Variants in ITPR1 observed in about 807,000 individuals in gnomAD.
ITPR1 encodes the protein inositol 1,4,5-trisphosphate receptor type 1.
A neutral mutation model predicts 318.4 loss-of-function variants in ITPR1; 96 were observed. The ratio of observed to expected loss-of-function variants is 0.30; its 90% confidence interval spans 0.26 to 0.36. ITPR1 has a LOEUF of 0.36. ITPR1 is among the 10% of genes least tolerant of loss of function. The pLI is 1.00. For synonymous variants in ITPR1, 1,312 were observed against 1,289.9 expected (o/e 1.02, Z -0.37); for missense variants, 2,440 against 3,460.2 (o/e 0.71, Z 7.40).
chr3:4,669,593 G>A (rs1421954151), intron 18 of ITPR1, 61 bp from the exon 19 acceptor site: 26 of 1,518,944 alleles, frequency 1.7e-5, no homozygotes, highest in Non-Finnish European at 2.3e-5. Context: ...GAAGAATTGG[G>A]GTCCAGGAGC....
At chr3:4,516,676 C>T (rs910380777) in intron 3 of ITPR1, 93 bp downstream of exon 3, 3 of 812,974 alleles carry the variant, frequency 3.7e-6, no homozygotes, top group East Asian at 2.7e-5. Flanking sequence ...AGAACGTCAC[C>T]GTTTTACTTG....
At chr3:4,526,483 G>T (rs1019666434) in intron 4 of ITPR1, among the ~76,000 whole-genome samples, 1 of 152,212 alleles carries the variant, frequency 6.6e-6, no homozygotes, top group Non-Finnish European at 1.5e-5. Context: ...CTGTGTACCA[G>T]CTGCTGGCCT....
intron 4 of ITPR1, among the ~76,000 whole-genome samples, chr3:4,604,790 G>A (rs2091581395): frequency 6.6e-6 from 1 of 152,038 alleles, no homozygotes; most frequent in Non-Finnish European, 1.5e-5. Context: ...TGCAGAGAGA[G>A]GCCTCTAGCA....
chr3:4,667,570 A>C, intron 18 of ITPR1, 21 bp downstream of exon 18: 1 of 1,601,804 alleles, frequency 6.2e-7, no homozygotes, highest in South Asian at 1.1e-5. Context: ...AGTGGGGTCC[A>C]TGCAGGATGG....
At chr3:4,722,729 C>T (rs905775007) in intron 40 of ITPR1, among the ~76,000 whole-genome samples, 1 of 125,542 alleles carries the variant, frequency 8.0e-6, no homozygotes, top group South Asian at 2.2e-4. Context: ...CATGTATGGC[C>T]TGGCCCCTTC....
At chr3:4,543,695 G>A (rs1015386395) in intron 4 of ITPR1, among the ~76,000 whole-genome samples, 7 of 152,056 alleles carry the variant, frequency 4.6e-5, no homozygotes, top group African/African-American at 7.2e-5. Context: ...TGCCCACCTC[G>A]GCCTCCCAAA....
At chr3:4,619,637 CCTGCT>C (rs2092532526) in intron 4 of ITPR1, among the ~76,000 whole-genome samples, 1 of 18,636 alleles carries the variant, frequency 5.4e-5, no homozygotes, top group African/African-American at 4.3e-4. Context: ...TCTGCTCTCC[CCTGCT>C]CTCCTCTGCT....
In ITPR1 at chr3:4,837,003, C is replaced by G. The variant is rs2050971308; in HGVS notation, c.8190+68C>G. The G allele has an allele frequency of 3.7e-6, 5 of 1,339,426 alleles. No individual in the cohort carries two copies. In the South Asian group the frequency reaches 5.7e-5, roughly 15 times the overall value. 83.0% of individuals were successfully genotyped at this position (1,339,426 alleles called of 1,614,324 possible). A position where few individuals can be genotyped will look rare whatever the true frequency, so the allele number is the denominator to read the frequency against. On this transcript the variant is annotated intron_variant, in intron 61 of 61. Transcript: ENST00000649015. Reference sequence around the variant, plus strand: ...CCCACCCACACCCACTATCACCACACCAAATCTGATGAGGAAAATCAGTAG... The same window carrying G: ...CCCACCCACACCCACTATCACCACAGCAAATCTGATGAGGAAAATCAGTAG...
chr3:4,590,440 G>A lies in ITPR1; in HGVS notation c.164-37323G>A, dbSNP rs17040992. Among the ~76,000 whole-genome samples, 1,198 of 151,444 alleles carry A rather than the reference G, an allele frequency of 7.9e-3. 18 individuals are homozygous for A. Among genetic ancestry groups the A allele is most frequent in the African/African-American group, 0.028 (1,146 of 41,382 alleles). On this transcript the variant is annotated intron_variant, in intron 4 of 61. Transcript: ENST00000649015. ...GGTGTTTCTGGCTTTTTATAGCTGA[G>A]TTGGCCCTGGTTGGACAGAAGCAAG...
At chr3:4,574,130 C>T (rs926300873) in intron 4 of ITPR1, among the ~76,000 whole-genome samples, 5 of 151,978 alleles carry the variant, frequency 3.3e-5, no homozygotes, top group African/African-American at 9.7e-5. Flanking sequence ...GCCAATTTCT[C>T]CAGCTAGAAA....
At chr3:4,552,460 G>A (rs2085663936) in intron 4 of ITPR1, among the ~76,000 whole-genome samples, 1 of 152,128 alleles carries the variant, frequency 6.6e-6, no homozygotes, top group Non-Finnish European at 1.5e-5. Flanking sequence ...TATTATAAAG[G>A]ATATTACAAA....
chr3:4,550,210 C>G (rs141582957), intron 4 of ITPR1, among the ~76,000 whole-genome samples: 1 of 152,302 alleles, frequency 6.6e-6, no homozygotes, highest in East Asian at 1.9e-4. Flanking sequence ...CCAGATCTCT[C>G]TGAGCAGGGC....
Position 4,676,798 on chromosome 3 carries a change from C to A in ITPR1, c.2964C>A (p.Leu988=). Residue 988 remains leucine, a synonymous_variant, in exon 24 of 62, where the codon CTC becomes CTA. Transcript: ENST00000649015. ...MDTKLKIIEI[L]QFILNVRLDY... ...CCAAGCTGAAGATCATTGAGATACT[C>A]CAGGTATCCACTAGCTGGAGCTGGG... 6.2e-7 allele frequency: 1 copy of A among 1,611,078 alleles called. No individual in the cohort carries two copies. The highest frequency in any genetic ancestry group is 1.1e-5 in the South Asian group (1 of 90,656).
chr3:4,658,325 G>C, intron 13 of ITPR1, 47 bp downstream of exon 13: 1 of 1,517,820 alleles, frequency 6.6e-7, no homozygotes, highest in East Asian at 2.3e-5. Flanking sequence ...GCCTGGTGTA[G>C]GTGGCCTGAC....
chr3:4,700,011 G>T lies in ITPR1; in HGVS notation c.4536+70G>T, dbSNP rs151116305. 146 of 1,428,292 alleles carry T rather than the reference G, an allele frequency of 1.0e-4. No individual in the cohort carries two copies. The African/African-American group carries it at 1.7e-3, about 17-fold the overall frequency. The allele number at this position is 1,428,292 out of a possible 1,614,324, so 88.5% of individuals were successfully genotyped here. A position where few individuals can be genotyped will look rare whatever the true frequency, so the allele number is the denominator to read the frequency against. ...CTGCAGTTGGGCTTGATGTGAATTT[G>T]GGAGTAAGCAATTGTAAATGAACTG... On this transcript the variant is annotated intron_variant, in intron 35 of 61. Transcript: ENST00000649015.
At chr3:4,805,663 A>T (rs1439188624) in intron 54 of ITPR1, among the ~76,000 whole-genome samples, 1 of 152,238 alleles carries the variant, frequency 6.6e-6, no homozygotes, top group African/African-American at 2.4e-5. Flanking sequence ...TGCTCATTAA[A>T]TTGCCACCTT....
chr3:4,573,546 A>G (rs1481174477), intron 4 of ITPR1, among the ~76,000 whole-genome samples: 1 of 152,204 alleles, frequency 6.6e-6, no homozygotes, highest in Admixed American at 6.5e-5. Flanking sequence ...CTCCCATCAC[A>G]CACTGAGGAT....
intron 4 of ITPR1, among the ~76,000 whole-genome samples, chr3:4,610,141 C>T (rs974274521): frequency 1.3e-5 from 2 of 152,164 alleles, no homozygotes; most frequent in South Asian, 2.1e-4. Flanking sequence ...TCATCCATCC[C>T]TCTTCCTGTC....
At chr3:4,639,292 TG>T in intron 5 of ITPR1, 91 bp from the exon 6 acceptor site, 1 of 957,054 alleles carries the variant, frequency 1.0e-6, no homozygotes, top group Non-Finnish European at 1.6e-6. Context: ...CGGTGGTTCT[TG>T]TATGAACTGG....
Sources: allele counts gnomAD v4.1 joint callset (sites outside exome capture counted in the v4.1 genomes callset), GRCh38; gene constraint gnomAD v4.1.1; transcripts MANE v1.5; gene names NCBI Gene and HGNC (gene_info 2026-07-23, HGNC 2026-07-21).